Variants in ATP8A1 observed in about 807,000 individuals in gnomAD.
ATP8A1 encodes the protein phospholipid-transporting ATPase IA.
ATP8A1 carries 90 observed loss-of-function variants against 177.7 expected under a neutral mutation model. The ratio of observed to expected loss-of-function variants is 0.51; its 90% CI spans 0.43 to 0.60. ATP8A1 has a LOEUF of 0.60. Among genes scored for constraint, ATP8A1 ranks in the 20% least tolerant of loss-of-function variants. The pLI, the probability that ATP8A1 is intolerant of heterozygous loss-of-function variation, is 0.00. For missense variants in ATP8A1, 1,072 were observed against 1,392.8 expected, an observed-to-expected ratio of 0.77 and a Z score of 3.67; for synonymous variants, 493 against 485.9, an observed-to-expected ratio of 1.01 and a Z score of -0.19.
At chr4:42,502,045 C>CTT (rs111244110) in intron 24 of ATP8A1, among the ~76,000 whole-genome samples, 6 of 149,110 alleles carry the variant, frequency 4.0e-5, no homozygotes, top group African/African-American at 1.2e-4. Flanking sequence ...AACTGATATA[C>CTT]TTTTTTTTTT....
chr4:42,462,359 A>G (rs1719264225), intron 27 of ATP8A1, among the ~76,000 whole-genome samples: 3 of 152,188 alleles, frequency 2.0e-5, no homozygotes, highest in Non-Finnish European at 4.4e-5. Context: ...TGCTGTGTGC[A>G]GCCAAGAGAC....
chr4:42,539,009 C>T (rs112427520), intron 20 of ATP8A1, among the ~76,000 whole-genome samples: 10 of 152,038 alleles, frequency 6.6e-5, no homozygotes, highest in South Asian at 2.1e-4. Context: ...CCAGCCCAGA[C>T]GCCCATAAAT....
intron 3 of ATP8A1, chr4:42,625,132 A>G (rs1216072529): frequency 5.9e-5 from 9 of 152,006 alleles, no homozygotes; most frequent in African/African-American, 1.9e-4. Context: ...AGAGTTTTAA[A>G]TTTTTTTCCT....
intron 12 of ATP8A1, 139 bp downstream of exon 12, chr4:42,578,121 C>T: frequency 3.6e-6 from 3 of 823,444 alleles, no homozygotes; most frequent in Non-Finnish European, 5.1e-6. Context: ...AGGAACTTTG[C>T]AACAAATTAG....
At chr4:42,572,061 T>A (rs1731958325) in intron 14 of ATP8A1, among the ~76,000 whole-genome samples, 1 of 152,202 alleles carries the variant, frequency 6.6e-6, no homozygotes, top group African/African-American at 2.4e-5. Context: ...GAAACTGAGC[T>A]GTACCTGATG....
intron 1 of ATP8A1, among the ~76,000 whole-genome samples, chr4:42,655,108 G>A (rs1256832483): frequency 1.3e-5 from 2 of 152,198 alleles, no homozygotes; most frequent in African/African-American, 4.8e-5. Flanking sequence ...GACGCACAGG[G>A]AATACAAAGA....
intron 9 of ATP8A1, among the ~76,000 whole-genome samples, chr4:42,584,160 C>T (rs1341304499): frequency 6.6e-6 from 1 of 152,310 alleles, no homozygotes; most frequent in African/African-American, 2.4e-5. Context: ...AACATTCTCT[C>T]AGGCTGCTGA....
chr4:42,587,809 C>T (rs994117475), intron 8 of ATP8A1, among the ~76,000 whole-genome samples: 7 of 151,994 alleles, frequency 4.6e-5, no homozygotes, highest in Non-Finnish European at 7.4e-5. Flanking sequence ...AGGGTTTCAC[C>T]GTGTTAGCCA....
chr4:42,636,158 G>GCGCA (rs1482172817), intron 1 of ATP8A1, among the ~76,000 whole-genome samples: 1 of 23,726 alleles, frequency 4.2e-5, no homozygotes, highest in African/African-American at 1.1e-4. Context: ...ACACACACAC[G>GCGCA]CACACACACA....
chr4:42,453,251 C>T (rs964797305), intron 29 of ATP8A1, among the ~76,000 whole-genome samples: 2 of 152,180 alleles, frequency 1.3e-5, no homozygotes, highest in Non-Finnish European at 2.9e-5. Context: ...ACAATGCTCC[C>T]GCACTTGGAA....
Position 42,464,986 on chromosome 4 carries a change from A to G in ATP8A1, c.2415T>C (p.Asp805=). 1 of 1,614,234 alleles carries G rather than the reference A, an allele frequency of 6.2e-7. No individual in the cohort carries two copies. Among genetic ancestry groups the G allele is most frequent in the Non-Finnish European group, 8.5e-7 (1 of 1,180,044 alleles). ...VTLAIGDGAN[D]VSMIQTAHVG... is the part of the protein sequence containing the mutation. ...CGTGCGCTGTCTGTATCATGCTGAC[A>G]TCATTTGCTCCATCACCGATTGCAA... The change falls in exon 26 of 37, where the codon GAT becomes GAC. Residue 805 remains aspartate, a synonymous_variant. Coordinates refer to ENST00000381668, the MANE Select transcript of ATP8A1 (RefSeq NM_006095.2).
At chr4:42,443,695 T>C in intron 32 of ATP8A1, 23 bp from the exon 33 acceptor site, 1 of 1,095,374 alleles carries the variant, frequency 9.1e-7, no homozygotes, top group Non-Finnish European at 1.4e-6. Context: ...GAAATCTGAG[T>C]CAAAAAAGTT....
intron 35 of ATP8A1, among the ~76,000 whole-genome samples, chr4:42,419,965 T>G (rs1713687426): frequency 2.0e-5 from 3 of 151,808 alleles, no homozygotes; most frequent in African/African-American, 7.3e-5. Flanking sequence ...ATTGTGCCAT[T>G]GCACTCCAGC....
At position 42,576,580 on chromosome 4, in the gene ATP8A1, A is replaced by C. The variant is rs12513309; in HGVS notation, c.1129-881T>G. 6.5e-3 allele frequency among the ~76,000 whole-genome samples: 988 copies of C among 151,570 alleles called. 39 individuals carry two copies. The highest frequency in any genetic ancestry group is 0.059 in the Admixed American group (892 of 15,218). Reference sequence around the variant, plus strand: ...GAGACTTGACTATATTATCCTATGAAATTAACATTTTCTATATTAGACTAT... The same window carrying C: ...GAGACTTGACTATATTATCCTATGACATTAACATTTTCTATATTAGACTAT... On this transcript the variant is annotated intron_variant, in intron 12 of 36. Transcript: ENST00000381668.
intron 15 of ATP8A1, among the ~76,000 whole-genome samples, chr4:42,558,061 C>CA (rs929310189): frequency 6.6e-5 from 10 of 151,402 alleles, no homozygotes; most frequent in Admixed American, 1.3e-4. Context: ...AAAACAAAAA[C>CA]AAAAAAACCA....
At chr4:42,509,127 A>T (rs1176446364) in intron 22 of ATP8A1, among the ~76,000 whole-genome samples, 1 of 152,224 alleles carries the variant, frequency 6.6e-6, no homozygotes, top group Non-Finnish European at 1.5e-5. Flanking sequence ...GCAGTTGTGG[A>T]CATTAAATTT....
At chr4:42,484,149 T>G (rs145052749) in intron 25 of ATP8A1, among the ~76,000 whole-genome samples, 2 of 152,306 alleles carry the variant, frequency 1.3e-5, no homozygotes, top group East Asian at 3.9e-4. Flanking sequence ...AGTCAAGACA[T>G]TTGCAAGGAA....
rs565276437 is a variant in ATP8A1, at chr4:42,589,535, G to A, written c.525-1206C>T. ...AAATATTTTACTGATTCATTTTAAA[G>A]TAGCTCTGCAGGTTCTTCAATTTAC... On this transcript the variant is annotated intron_variant, in intron 7 of 36. Transcript: ENST00000381668. Among the ~76,000 whole-genome samples the A allele has an allele frequency of 1.5e-4, 23 of 152,244 alleles. No homozygotes were observed. In the South Asian group the frequency reaches 2.9e-3, roughly 19 times the overall value.
chr4:42,567,779 A>G (rs918626074), intron 15 of ATP8A1, among the ~76,000 whole-genome samples: 10 of 152,254 alleles, frequency 6.6e-5, no homozygotes, highest in African/African-American at 2.4e-4. Flanking sequence ...CAGCACCAAT[A>G]AAAGTTATGA....
Sources: allele counts gnomAD v4.1 joint callset (sites outside exome capture counted in the v4.1 genomes callset), GRCh38; gene constraint gnomAD v4.1.1; transcripts MANE v1.5; gene names NCBI Gene and HGNC (gene_info 2026-07-23, HGNC 2026-07-21).